Variants in PCLO observed in about 807,000 individuals in gnomAD.
PCLO encodes piccolo presynaptic cytomatrix protein, also known as protein piccolo.
In PCLO, 82 loss-of-function variants were observed where a neutral mutation model predicts 427.5. The observed-to-expected ratio is 0.19, with a 90% CI of 0.16 to 0.23. The LOEUF (loss-of-function observed/expected upper bound fraction) is 0.23, where lower values mean the gene tolerates loss of function less well. Among genes scored for constraint, PCLO ranks in the 10% least tolerant of loss-of-function variants. The pLI, the probability that PCLO is intolerant of heterozygous loss-of-function variation, is 1.00. For missense variants in PCLO, 6,239 were observed against 6,115.9 expected, an observed-to-expected ratio of 1.02 and a Z score of -0.67; for synonymous variants, 2,357 against 2,155.4, an observed-to-expected ratio of 1.09 and a Z score of -2.59.
chr7:82,794,459 C>CTGTTTTTTTTTTTTTTTTTTTTTTTTTT lies in PCLO; in HGVS notation c.15007+7058_15007+7059insAAAAAAAAAAAAAAAAAAAAAAAAAACA, dbSNP rs1554333552. ...ACATGCTAGTTCATAAATTTTTTTTCTTTTTTTTTTTTTTTTTTTTTTTTT... is the reference window on the plus strand; with the variant it reads ...ACATGCTAGTTCATAAATTTTTTTTCTGTTTTTTTTTTTTTTTTTTTTTTTTTTTTTTTTTTTTTTTTTTTTTTTTTTT... On this transcript the variant is annotated intron_variant, in intron 22 of 24. Transcript: ENST00000333891. Among the ~76,000 whole-genome samples, 26 of 56,370 alleles carry CTGTTTTTTTTTTTTTTTTTTTTTTTTTT rather than the reference C, an allele frequency of 4.6e-4. 6 individuals are homozygous for CTGTTTTTTTTTTTTTTTTTTTTTTTTTT. Among genetic ancestry groups the CTGTTTTTTTTTTTTTTTTTTTTTTTTTT allele is most frequent in the Non-Finnish European group, 7.0e-4 (17 of 24,446 alleles). The allele number at this position is 56,370 out of a possible 152,430, so 37.0% of individuals were successfully genotyped here.
intron 24 of PCLO, among the ~76,000 whole-genome samples, chr7:82,759,248 A>T (rs1283643712): frequency 3.4e-5 from 5 of 148,778 alleles, no homozygotes; most frequent in Non-Finnish European, 7.5e-5. Context: ...AAACTAAAGA[A>T]TTTTTTTTTT....
At chr7:83,022,194 G>C (rs369467096) in intron 3 of PCLO, among the ~76,000 whole-genome samples, 2 of 152,198 alleles carry the variant, frequency 1.3e-5, no homozygotes, top group East Asian at 1.9e-4. Flanking sequence ...ACACATAGAA[G>C]GTGCTGTCTA....
At chr7:83,082,456 T>G (rs1393861399) in intron 3 of PCLO, among the ~76,000 whole-genome samples, 1 of 151,494 alleles carries the variant, frequency 6.6e-6, no homozygotes, top group Non-Finnish European at 1.5e-5. Flanking sequence ...AAGAAAAATA[T>G]CAGAGATAGA....
rs1790703479 is a variant in PCLO at position 82,774,242 on chromosome 7, A to C, written c.15008-12749T>G. Reference sequence around the variant, plus strand: ...TATGTAAGAGCCACTATTGCATATGAAGTTAGATAAGAATCCAGAATTTTT... The same window carrying C: ...TATGTAAGAGCCACTATTGCATATGCAGTTAGATAAGAATCCAGAATTTTT... On this transcript the variant is annotated intron_variant, in intron 22 of 24. Transcript: ENST00000333891. Among the ~76,000 whole-genome samples the C allele has an allele frequency of 2.0e-5, 3 of 152,320 alleles. No individual in the cohort carries two copies. The South Asian group carries it at 6.2e-4, about 32-fold the overall frequency.
At chr7:82,918,234 T>C (rs980783047) in intron 6 of PCLO, among the ~76,000 whole-genome samples, 1 of 151,982 alleles carries the variant, frequency 6.6e-6, no homozygotes, top group African/African-American at 2.4e-5. Context: ...TGACATGTCA[T>C]TTATTTCTTC....
intron 3 of PCLO, among the ~76,000 whole-genome samples, chr7:83,013,420 G>A (rs372091679): frequency 1.3e-5 from 2 of 152,236 alleles, no homozygotes; most frequent in East Asian, 1.9e-4. Context: ...TTCATTCAAA[G>A]TAGTGATAAT....
At chr7:83,041,441 T>C (rs1788971080) in intron 3 of PCLO, among the ~76,000 whole-genome samples, 1 of 152,158 alleles carries the variant, frequency 6.6e-6, no homozygotes, top group Admixed American at 6.6e-5. Context: ...AACTGTCCTA[T>C]GTTAATGCAT....
intron 3 of PCLO, among the ~76,000 whole-genome samples, chr7:82,971,297 T>C (rs998596175): frequency 6.6e-6 from 1 of 151,690 alleles, no homozygotes; most frequent in African/African-American, 2.4e-5. Flanking sequence ...AGAATTGTGA[T>C]ACGCATGATT....
intron 9 of PCLO, among the ~76,000 whole-genome samples, chr7:82,889,286 C>T (rs1275671453): frequency 6.6e-6 from 1 of 152,052 alleles, no homozygotes. Flanking sequence ...TATGCTTAGC[C>T]CTCGCCATAA....
chr7:82,856,577 T>G (rs1792812199), intron 10 of PCLO, among the ~76,000 whole-genome samples: 1 of 152,140 alleles, frequency 6.6e-6, no homozygotes, highest in African/African-American at 2.4e-5. Flanking sequence ...TTAGTATAAT[T>G]TGATTGGCCC....
chr7:82,785,774 G>A (rs957109787), intron 22 of PCLO, among the ~76,000 whole-genome samples: 9 of 152,094 alleles, frequency 5.9e-5, no homozygotes, highest in Non-Finnish European at 1.3e-4. Context: ...ATCATATTAA[G>A]CAAAGAGAAC....
intron 3 of PCLO, among the ~76,000 whole-genome samples, chr7:83,005,850 A>G (rs1316426952): frequency 6.6e-6 from 1 of 151,674 alleles, no homozygotes; most frequent in African/African-American, 2.4e-5. Context: ...ATTTAAATAA[A>G]ATAATATGGA....
At chr7:82,904,932 T>C (rs945286684) in intron 8 of PCLO, among the ~76,000 whole-genome samples, 1 of 152,076 alleles carries the variant, frequency 6.6e-6, no homozygotes, top group Non-Finnish European at 1.5e-5. Context: ...GCCATAATTA[T>C]GATCAATATG....
intron 10 of PCLO, among the ~76,000 whole-genome samples, chr7:82,870,090 T>G (rs1793194729): frequency 6.6e-6 from 1 of 151,858 alleles, no homozygotes; most frequent in Admixed American, 6.6e-5. Flanking sequence ...ACAAAAAAAT[T>G]TCTAATAGTT....
chr7:83,070,102 A>G (rs1789773996), intron 3 of PCLO, among the ~76,000 whole-genome samples: 1 of 152,052 alleles, frequency 6.6e-6, no homozygotes, highest in South Asian at 2.1e-4. Flanking sequence ...ACACTCTCTC[A>G]TGCACGTGCT....
At position 82,954,596 on chromosome 7, in the gene PCLO, C is replaced by T. The variant is rs751959895; in HGVS notation, c.6357G>A (p.Ser2119=). The part of the protein sequence containing the change: ...SVLSGASLTD[S]TSSATLSIPD... ...GGATAGAGAGTGTTGCACTGCTGGTCGAATCTGTAAGAGACGCTCCTGAGA... is the reference window on the plus strand; with the variant it reads ...GGATAGAGAGTGTTGCACTGCTGGTTGAATCTGTAAGAGACGCTCCTGAGA... Residue 2119 remains serine, a synonymous_variant, in exon 5 of 25, where the codon TCG becomes TCA. Coordinates refer to ENST00000333891, the MANE Select transcript of PCLO (RefSeq NM_033026.6). 9 of 1,613,716 alleles carry T rather than the reference C, an allele frequency of 5.6e-6. No homozygotes were observed. In the South Asian group the frequency reaches 7.7e-5, roughly 14 times the overall value.
rs2115659339 is a variant in PCLO, at chr7:82,966,001, C to T, written c.3787G>A (p.Asp1263Asn). Reference sequence around the variant, plus strand: ...ATTTGTACTTGAGATTTAAGTAAGTCATGTTTCTGTTCTTCTGGGGCTGAT... The same window carrying T: ...ATTTGTACTTGAGATTTAAGTAAGTTATGTTTCTGTTCTTCTGGGGCTGAT... ...KTSAPEEQKH[D>N]LLKSQVQIAE... is the part of the protein sequence containing the mutation. Residue 1263 changes from aspartate (D) to asparagine (N), a missense_variant, in exon 4 of 25, where the codon GAC becomes AAC. Asp to Asn is a conservative substitution (Grantham distance 23). Around this residue, in one of 5 missense-constraint regions of PCLO, gnomAD observed 4,677 missense variants for 4,468.4 expected, o/e 1.05. Coordinates refer to ENST00000333891, the MANE Select transcript of PCLO (RefSeq NM_033026.6). The T allele has an allele frequency of 1.2e-6, 2 of 1,613,650 alleles. No homozygotes were observed. Among genetic ancestry groups the T allele is most frequent in the South Asian group, 1.1e-5 (1 of 91,014 alleles).
At chr7:83,051,359 G>T (rs1169207224) in intron 3 of PCLO, among the ~76,000 whole-genome samples, 2 of 152,128 alleles carry the variant, frequency 1.3e-5, no homozygotes, top group African/African-American at 4.8e-5. Flanking sequence ...TTATAGCAAG[G>T]TTGCAGAATA....
Position 83,076,127 on chromosome 7 carries a change from A to C in PCLO, c.3300+58123T>G, listed in dbSNP as rs866527779. 9.0e-4 allele frequency among the ~76,000 whole-genome samples: 128 copies of C among 142,842 alleles called. 4 individuals are homozygous for C. In the South Asian group the frequency reaches 0.026, roughly 30 times the overall value. The allele number at this position is 142,842 out of a possible 152,430, so 93.7% of individuals were successfully genotyped here. A position where few individuals can be genotyped will look rare whatever the true frequency, so the allele number is the denominator to read the frequency against. ...TACACACCAGTTTCTTGGATTTAAA[A>C]AAAAAAAAAAACTCATACCTTTCGC... On this transcript the variant is annotated intron_variant, in intron 3 of 24. Coordinates refer to ENST00000333891, the MANE Select transcript of PCLO (RefSeq NM_033026.6).
Sources: gnomAD v4.1 joint callset for allele counts (sites outside exome capture counted in the v4.1 genomes callset) on GRCh38, gnomAD v4.1.1 for gene constraint, gnomAD v4.1.1 regional missense constraint, MANE v1.5 for transcripts, NCBI Gene and HGNC (gene_info 2026-07-23, HGNC 2026-07-21) for gene names.